SLC41A2: variants seen among roughly 807,000 people sequenced by gnomAD.
SLC41A2 encodes SLC41A1-like 1.
SLC41A2 carries 32 observed loss-of-function variants against 58.3 expected under a neutral mutation model. The observed-to-expected ratio is 0.55, with a 90% CI of 0.41 to 0.74. SLC41A2 has a LOEUF of 0.74. Ranked by LOEUF, SLC41A2 falls within the 30% of genes least tolerant of loss-of-function variation. The pLI is 0.00. For synonymous variants in SLC41A2, 190 were observed against 235.0 expected, an observed-to-expected ratio of 0.81 and a Z score of 1.75; for missense variants, 514 against 680.6, an observed-to-expected ratio of 0.76 and a Z score of 2.72.
At chr12:104,897,144 C>CT (rs71440558) in intron 3 of SLC41A2, among the ~76,000 whole-genome samples, 55,756 of 120,320 alleles carry the variant, frequency 0.46, 13,877 homozygotes, top group Non-Finnish European at 0.49. Context: ...TTTCTTTTTT[C>CT]TTTTTTTTTT....
At chr12:104,937,838 C>A (rs1420793919) in intron 1 of SLC41A2, among the ~76,000 whole-genome samples, 1 of 152,134 alleles carries the variant, frequency 6.6e-6, no homozygotes, top group African/African-American at 2.4e-5. Flanking sequence ...GAAGCACCTC[C>A]CAATACATTC....
chr12:104,946,080 T>C (rs1361925916), intron 1 of SLC41A2, among the ~76,000 whole-genome samples: 2 of 152,248 alleles, frequency 1.3e-5, no homozygotes, highest in South Asian at 2.1e-4. Flanking sequence ...TTTATCTTTT[T>C]TGGCGACCCT....
intron 2 of SLC41A2, among the ~76,000 whole-genome samples, chr12:104,920,612 G>A (rs1308768456): frequency 1.3e-5 from 2 of 151,810 alleles, no homozygotes; most frequent in Admixed American, 1.3e-4. Context: ...ACCCTGTCTC[G>A]ACAAAATTTT....
At position 104,803,391 on chromosome 12, in the gene SLC41A2, A is replaced by G. The variant is rs906253677; in HGVS notation, c.*1761T>C. The G allele has an allele frequency of 1.3e-5, 2 of 152,142 alleles. No homozygotes were observed. The highest frequency in any genetic ancestry group is 2.4e-5 in the African/African-American group (1 of 41,444). 9.4% of individuals were successfully genotyped at this position (152,142 alleles called of 1,614,324 possible). A position where few individuals can be genotyped will look rare whatever the true frequency, so the allele number is the denominator to read the frequency against. On this transcript the variant is annotated 3_prime_UTR_variant, in exon 11 of 11. Coordinates refer to ENST00000258538, the MANE Select transcript of SLC41A2 (RefSeq NM_001352171.3). ...ATAATTAGTTCAGTTCTCTGCCTTA[A>G]AAGTTTTATTATAAGGCAGAAGAAT...
In SLC41A2 at chr12:104,804,142, C is replaced by CAAAAAAAAA. The variant is rs11355284; in HGVS notation, c.*1001_*1009dup. On this transcript the variant is annotated 3_prime_UTR_variant, in exon 11 of 11. Transcript: ENST00000258538. ...TGGGCGACAGAGCAAGACTCTGTCTCAAAAAAAAAAAAAAAAAAAAAAAAA... is the reference window on the plus strand; with the variant it reads ...TGGGCGACAGAGCAAGACTCTGTCTCAAAAAAAAAAAAAAAAAAAAAAAAAAAAAAAAAA... 8.1e-5 allele frequency: 5 copies of CAAAAAAAAA among 61,410 alleles called. No homozygotes were observed. Among genetic ancestry groups the CAAAAAAAAA allele is most frequent in the Middle Eastern group, 0.015 (1 of 66 alleles). The allele number at this position is 61,410 out of a possible 1,614,324, so 3.8% of individuals were successfully genotyped here. A position where few individuals can be genotyped will look rare whatever the true frequency, so the allele number is the denominator to read the frequency against.
intron 10 of SLC41A2, among the ~76,000 whole-genome samples, chr12:104,825,406 C>A (rs1340656375): frequency 2.6e-5 from 4 of 152,206 alleles, no homozygotes; most frequent in African/African-American, 9.6e-5. Flanking sequence ...GAACATTTCT[C>A]CTTTGGCCAA....
chr12:104,888,989 T>C (rs746168367), intron 5 of SLC41A2, 44 bp downstream of exon 5: 1 of 1,482,114 alleles, frequency 6.7e-7, no homozygotes, highest in South Asian at 1.4e-5. Flanking sequence ...ATAAACCATT[T>C]AAATGTAAAA....
At chr12:104,939,193 A>C (rs2047402546) in intron 1 of SLC41A2, among the ~76,000 whole-genome samples, 2 of 152,178 alleles carry the variant, frequency 1.3e-5, no homozygotes, top group Admixed American at 1.3e-4. Flanking sequence ...ACTCCTTATG[A>C]ATTCAACTTT....
In SLC41A2 at chr12:104,920,700, G is replaced by A. The variant is rs556326839; in HGVS notation, c.555+7273C>T. Among the ~76,000 whole-genome samples, 264 of 151,964 alleles carry A rather than the reference G, an allele frequency of 1.7e-3. 1 individual carries two copies. The highest frequency in any genetic ancestry group is 6.0e-3 in the African/African-American group (247 of 41,460). On this transcript the variant is annotated intron_variant, in intron 2 of 10. Transcript: ENST00000258538. ...AGCACTTTGGGAGGCCGAGGCAGGC[G>A]GATCACAAGGTCAGGAGATCGAGAC...
chr12:104,940,941 A>AAG (rs1046693769), intron 1 of SLC41A2, among the ~76,000 whole-genome samples: 23 of 149,738 alleles, frequency 1.5e-4, no homozygotes, highest in Non-Finnish European at 3.1e-4. Flanking sequence ...CCTCAAAAAA[A>AAG]AAAAAAAAAA....
chr12:104,844,446 A>G (rs756664268), intron 10 of SLC41A2, 26 bp downstream of exon 10: 2 of 1,369,930 alleles, frequency 1.5e-6, no homozygotes. Context: ...AGCATAAAAG[A>G]GATTTCAAGA....
chr12:104,810,362 C>T (rs2041118800), intron 10 of SLC41A2, among the ~76,000 whole-genome samples: 1 of 151,958 alleles, frequency 6.6e-6, no homozygotes, highest in East Asian at 1.9e-4. Flanking sequence ...TAGCTAATTT[C>T]TCTGGGATTA....
chr12:104,847,274 T>C (rs1285371638), intron 8 of SLC41A2, among the ~76,000 whole-genome samples: 1 of 152,000 alleles, frequency 6.6e-6, no homozygotes, highest in Non-Finnish European at 1.5e-5. Context: ...CAGGGAATAT[T>C]ACCAAGGATA....
At chr12:104,915,917 AGCTCTTAT>A (rs2046298996) in intron 2 of SLC41A2, among the ~76,000 whole-genome samples, 1 of 152,166 alleles carries the variant, frequency 6.6e-6, no homozygotes, top group Admixed American at 6.5e-5. Context: ...TGTCATAGAT[AGCTCTTAT>A]TATTTTGAGA....
At chr12:104,824,247 A>C (rs1384670497) in intron 10 of SLC41A2, among the ~76,000 whole-genome samples, 2 of 149,748 alleles carry the variant, frequency 1.3e-5, no homozygotes, top group South Asian at 2.2e-4. Context: ...GTGCCTATAA[A>C]CCCCCCCGAG....
chr12:104,919,367 T>C (rs1475762546), intron 2 of SLC41A2, among the ~76,000 whole-genome samples: 1 of 152,250 alleles, frequency 6.6e-6, no homozygotes, highest in Non-Finnish European at 1.5e-5. Flanking sequence ...TGCCCAGGAA[T>C]GCAGTTGCTA....
chr12:104,909,608 G>T, intron 3 of SLC41A2, 47 bp downstream of exon 3: 1 of 1,284,054 alleles, frequency 7.8e-7, no homozygotes, highest in Non-Finnish European at 1.1e-6. Flanking sequence ...TTAACAGAGA[G>T]AAACAGGATA....
intron 10 of SLC41A2, among the ~76,000 whole-genome samples, chr12:104,805,896 A>G (rs1566086691): frequency 6.6e-6 from 1 of 152,182 alleles, no homozygotes; most frequent in South Asian, 2.1e-4. Flanking sequence ...TATACATAAA[A>G]TGGAAATATT....
intron 8 of SLC41A2, among the ~76,000 whole-genome samples, chr12:104,850,849 T>G (rs1370038260): frequency 1.3e-5 from 2 of 152,168 alleles, no homozygotes; most frequent in Non-Finnish European, 2.9e-5. Context: ...CTGAAAAAAA[T>G]TCTAAAGGAA....
Sources: gnomAD v4.1 joint callset for allele counts (sites outside exome capture counted in the v4.1 genomes callset) on GRCh38, gnomAD v4.1.1 for gene constraint, MANE v1.5 for transcripts, NCBI Gene and HGNC (gene_info 2026-07-23, HGNC 2026-07-21) for gene names.